SMG6: variants seen among roughly 807,000 people sequenced by gnomAD.
The protein encoded by SMG6 is SMG6 nonsense mediated mRNA decay factor.
Under a neutral mutation model 142.2 loss-of-function variants are expected in SMG6, and 66 were observed. The observed-to-expected ratio is 0.46, with a 90% confidence interval of 0.38 to 0.57. SMG6 has a LOEUF of 0.57. SMG6 is among the 20% of genes least tolerant of loss of function. SMG6 has a pLI of 0.00. For synonymous variants in SMG6, 779 were observed against 702.4 expected (o/e 1.11, Z -1.72); for missense variants, 1,793 against 1,832.0 (o/e 0.98, Z 0.39).
intron 10 of SMG6, among the ~76,000 whole-genome samples, chr17:2,222,098 G>C (rs534066993): frequency 2.0e-5 from 3 of 152,306 alleles, no homozygotes; most frequent in South Asian, 2.1e-4. Context: ...CAACAGGTCA[G>C]GGACTGTTTT....
At chr17:2,287,576 TGAAGA>T (rs2074935020) in intron 6 of SMG6, among the ~76,000 whole-genome samples, 1 of 152,182 alleles carries the variant, frequency 6.6e-6, no homozygotes, top group Non-Finnish European at 1.5e-5. Flanking sequence ...AGCAGGGTCT[TGAAGA>T]GATTTTATTT....
rs1324561903 is a variant in SMG6, at chr17:2,061,622, T to C, written c.4130A>G (p.Glu1377Gly). ...CTCCCGCAGTAGCCGGATTGGCTCC[T>C]CTGTGGGCATGAGAGAGCAGAAGGC... ...KAKDFMPASKEEPIRLLREVV... is the reference protein window; with the variant it reads ...KAKDFMPASKGEPIRLLREVV... The change falls in exon 19 of 19, where the codon GAG becomes GGG. Residue 1377 changes from glutamate to glycine, a missense_variant and splice_region_variant. Physicochemically the swap from Glu to Gly is moderately conservative, Grantham distance 98. Around this residue, in one of 3 missense-constraint regions of SMG6, gnomAD observed 179 missense variants for 212.6 expected, o/e 0.84. Coordinates refer to ENST00000263073, the MANE Select transcript of SMG6 (RefSeq NM_017575.5). The C allele has an allele frequency of 6.4e-7, 1 of 1,570,082 alleles. No individual in the cohort carries two copies. The highest frequency in any genetic ancestry group is 1.2e-5 in the South Asian group (1 of 85,662).
At chr17:2,165,173 G>A (rs1360770077) in intron 13 of SMG6, among the ~76,000 whole-genome samples, 1 of 152,230 alleles carries the variant, frequency 6.6e-6, no homozygotes, top group East Asian at 1.9e-4. Flanking sequence ...AGAGGTCTAA[G>A]GCAAATTCCC....
chr17:2,125,991 ACC>A (rs2069865137), intron 13 of SMG6, among the ~76,000 whole-genome samples: 1 of 150,298 alleles, frequency 6.7e-6, no homozygotes, highest in African/African-American at 2.5e-5. Flanking sequence ...ATCTTAAGGG[ACC>A]CCATACAGCC....
At position 2,292,755 on chromosome 17, in the gene SMG6, T is replaced by A. The variant is rs913874947; in HGVS notation, c.2258+116A>T. ...GATGTAACCCTGGAGGGGTAAGGCA[T>A]GACTACAGGGACCAATAGGGACACC... On this transcript the variant is annotated intron_variant, in intron 5 of 18. Coordinates refer to ENST00000263073, the MANE Select transcript of SMG6 (RefSeq NM_017575.5). The A allele has an allele frequency of 2.5e-5, 36 of 1,416,880 alleles. No homozygotes were observed. In the South Asian group the frequency reaches 3.3e-4, roughly 13 times the overall value. 87.8% of individuals were successfully genotyped at this position (1,416,880 alleles called of 1,614,324 possible). A position where few individuals can be genotyped will look rare whatever the true frequency, so the allele number is the denominator to read the frequency against.
At chr17:2,264,889 G>A (rs116647267) in intron 8 of SMG6, among the ~76,000 whole-genome samples, 1,528 of 145,576 alleles carry the variant, frequency 0.01, 28 homozygotes, top group African/African-American at 0.035. Flanking sequence ...GTGACAGAAC[G>A]AAACCCCATC....
intron 13 of SMG6, chr17:2,087,420 C>A (rs2068594198): frequency 1.7e-6 from 2 of 1,186,258 alleles, no homozygotes; most frequent in Non-Finnish European, 2.1e-6. Context: ...AAAAAGCCAA[C>A]CCCGCTTTCC....
chr17:2,125,247 A>C (rs2069834247), intron 13 of SMG6, among the ~76,000 whole-genome samples: 1 of 152,216 alleles, frequency 6.6e-6, no homozygotes, highest in Non-Finnish European at 1.5e-5. Context: ...TCCGAGACAG[A>C]GATAACCTGG....
chr17:2,205,764 G>A (rs2072659252), intron 10 of SMG6, among the ~76,000 whole-genome samples: 1 of 152,058 alleles, frequency 6.6e-6, no homozygotes, highest in Admixed American at 6.6e-5. Flanking sequence ...TATGAAAAAA[G>A]TGAACAATAA....
intron 15 of SMG6, among the ~76,000 whole-genome samples, chr17:2,080,655 A>C (rs949611238): frequency 7.0e-6 from 1 of 143,724 alleles, no homozygotes; most frequent in African/African-American, 2.6e-5. Flanking sequence ...TTTTTTTTTG[A>C]GATGGAGTCT....
chr17:2,230,205 AAAAAAAAAAAAAAAAAG>A lies in SMG6; in HGVS notation c.2869+6270_2869+6286del, dbSNP rs1404666643. Reference sequence around the variant, plus strand: ...CGTCTCCAAAAAAAAAAAAAAAAAAAAAAAAAAAAAAAAAAAGGAAAAGAAAGGAAAAGAAAAGTGTC... The same window carrying A: ...CGTCTCCAAAAAAAAAAAAAAAAAAAGAAAAGAAAGGAAAAGAAAAGTGTC... On this transcript the variant is annotated intron_variant, in intron 10 of 18. Transcript: ENST00000263073. 1.6e-3 allele frequency among the ~76,000 whole-genome samples: 188 copies of A among 116,746 alleles called. 1 individual carries two copies. Among genetic ancestry groups the A allele is most frequent in the Non-Finnish European group, 2.6e-3 (153 of 59,226 alleles). The allele number at this position is 116,746 out of a possible 152,430, so 76.6% of individuals were successfully genotyped here. A position where few individuals can be genotyped will look rare whatever the true frequency, so the allele number is the denominator to read the frequency against.
chr17:2,147,219 C>A (rs906295890), intron 13 of SMG6, among the ~76,000 whole-genome samples: 7 of 152,122 alleles, frequency 4.6e-5, no homozygotes, highest in African/African-American at 1.7e-4. Context: ...ATGGTGAAAC[C>A]CTGTCTCTAC....
intron 8 of SMG6, among the ~76,000 whole-genome samples, chr17:2,277,172 A>ATTTTTTT (rs764360988): frequency 4.0e-5 from 2 of 50,302 alleles, no homozygotes; most frequent in African/African-American, 5.9e-5. Context: ...TTTATTTTTT[A>ATTTTTTT]TTTTTTTTTT....
chr17:2,261,355 T>C (rs216173), intron 8 of SMG6, among the ~76,000 whole-genome samples: 39 of 151,958 alleles, frequency 2.6e-4, no homozygotes, highest in Non-Finnish European at 4.7e-4. Context: ...GCGATACAAG[T>C]AAATAAACTG....
At chr17:2,303,519 T>C in intron 1 of SMG6, 114 bp downstream of exon 1, 4 of 1,331,738 alleles carry the variant, frequency 3.0e-6, no homozygotes, top group Non-Finnish European at 2.9e-6. Flanking sequence ...CGCCTACTGC[T>C]GGGGGAAGGG....
chr17:2,218,808 C>A (rs1351851808), intron 10 of SMG6, among the ~76,000 whole-genome samples: 1 of 151,860 alleles, frequency 6.6e-6, no homozygotes, highest in African/African-American at 2.4e-5. Flanking sequence ...GAGAGTGAAC[C>A]CTAATGTAAA....
At chr17:2,277,157 ATTTATTTATTT>A (rs571794001) in intron 8 of SMG6, among the ~76,000 whole-genome samples, 25,031 of 95,210 alleles carry the variant, frequency 0.26, 2,348 homozygotes, top group African/African-American at 0.34. Context: ...TTATTTATTT[ATTTATTTATTT>A]TTTATTTTTT....
chr17:2,270,259 T>C (rs1319219791), intron 8 of SMG6, among the ~76,000 whole-genome samples: 1 of 152,096 alleles, frequency 6.6e-6, no homozygotes, highest in African/African-American at 2.4e-5. Context: ...CCACTAATAA[T>C]GCAAGAGAAG....
At chr17:2,162,708 C>T (rs1388291468) in intron 13 of SMG6, among the ~76,000 whole-genome samples, 1 of 152,110 alleles carries the variant, frequency 6.6e-6, no homozygotes, top group Non-Finnish European at 1.5e-5. Context: ...TATATCCAGT[C>T]ATCCATCTAC....
Sources: allele counts gnomAD v4.1 joint callset (sites outside exome capture counted in the v4.1 genomes callset), GRCh38; gene constraint gnomAD v4.1.1; regional missense constraint gnomAD v4.1.1; transcripts MANE v1.5; gene names NCBI Gene and HGNC (gene_info 2026-07-23, HGNC 2026-07-21).